The following UEVLD variants were observed in gnomAD, a reference collection of about 807,000 sequenced individuals.
The protein encoded by UEVLD is ubiquitin-conjugating enzyme E2 variant 3.
A neutral mutation model predicts 58.6 loss-of-function variants in UEVLD; 47 were observed. The ratio of observed to expected loss-of-function variants is 0.80; its 90% confidence interval spans 0.63 to 1.02. The LOEUF (loss-of-function observed/expected upper bound fraction) is 1.02. Among genes scored for constraint, UEVLD ranks in the 50% least tolerant of loss-of-function variants. The pLI is 0.00. For synonymous variants in UEVLD, 197 were observed against 195.3 expected, an observed-to-expected ratio of 1.01 and a Z score of -0.07; for missense variants, 510 against 550.6, an observed-to-expected ratio of 0.93 and a Z score of 0.74.
intron 6 of UEVLD, among the ~76,000 whole-genome samples, chr11:18,562,737 G>A (rs188839741): frequency 2.7e-5 from 4 of 150,212 alleles, no homozygotes; most frequent in Admixed American, 6.6e-5. Flanking sequence ...AATAATGACA[G>A]TGAGATTCTT....
At chr11:18,567,982 A>T (rs1043962810) in intron 4 of UEVLD, among the ~76,000 whole-genome samples, 1 of 152,078 alleles carries the variant, frequency 6.6e-6, no homozygotes, top group African/African-American at 2.4e-5. Context: ...CTGTCTGTAC[A>T]AAAAATTTTA....
intron 9 of UEVLD, among the ~76,000 whole-genome samples, chr11:18,539,407 G>C (rs1565108668): frequency 6.6e-6 from 1 of 151,996 alleles, no homozygotes; most frequent in Non-Finnish European, 1.5e-5. Flanking sequence ...ACCATGAACT[G>C]TTATATGAAA....
At chr11:18,575,744 A>G (rs1165538507) in intron 2 of UEVLD, among the ~76,000 whole-genome samples, 1 of 152,246 alleles carries the variant, frequency 6.6e-6, no homozygotes, top group African/African-American at 2.4e-5. Flanking sequence ...TAAAATAAAG[A>G]TAATAAGACT....
At chr11:18,550,667 C>G (rs1851485445) in intron 7 of UEVLD, among the ~76,000 whole-genome samples, 1 of 152,196 alleles carries the variant, frequency 6.6e-6, no homozygotes, top group South Asian at 2.1e-4. Flanking sequence ...CTGGACCACT[C>G]TCTTGGCATT....
intron 9 of UEVLD, among the ~76,000 whole-genome samples, chr11:18,539,804 T>C (rs1850979429): frequency 6.6e-6 from 1 of 152,138 alleles, no homozygotes; most frequent in Non-Finnish European, 1.5e-5. Flanking sequence ...CTGACTAGCA[T>C]AGAATGCCTG....
intron 11 of UEVLD, 100 bp from the exon 12 acceptor site, chr11:18,532,587 T>C (rs1377569908): frequency 7.5e-6 from 8 of 1,065,914 alleles, no homozygotes; most frequent in African/African-American, 3.3e-5. Context: ...GACAAAGTGA[T>C]ACAAGTTGGA....
intron 1 of UEVLD, among the ~76,000 whole-genome samples, chr11:18,579,968 A>T (rs1853143460): frequency 6.6e-6 from 1 of 151,584 alleles, no homozygotes; most frequent in African/African-American, 2.4e-5. Context: ...GGACTTGAAG[A>T]CTGTATTGTT....
rs532620809 is a variant in UEVLD, at chr11:18,578,240, G to A, written c.127+484C>T. On this transcript the variant is annotated intron_variant, in intron 2 of 11. Coordinates refer to ENST00000396197, the MANE Select transcript of UEVLD (RefSeq NM_001040697.4). ...TCTTTCCCAGCTGTGGTCAGAGGGC[G>A]ATTTGACTATAGAAGAATGGTTAGA... Among the ~76,000 whole-genome samples the A allele has an allele frequency of 2.6e-5, 4 of 152,258 alleles. 1 individual carries two copies. Among genetic ancestry groups the A allele is most frequent in the South Asian group, 4.1e-4 (2 of 4,824 alleles).
In UEVLD at chr11:18,530,750, G is replaced by C. The variant is rs1850532391; in HGVS notation, c.*1570C>G. On this transcript the variant is annotated 3_prime_UTR_variant, in exon 12 of 12. Transcript: ENST00000396197. ...ACTTTTTTTTTTTTTTTTTGAGACG[G>C]AGTCTTGCTCTGTCGCCCAGGCTGG... 7.2e-6 allele frequency: 1 copy of C among 139,506 alleles called. No homozygotes were observed. The allele number at this position is 139,506 out of a possible 1,614,324, so 8.6% of individuals were successfully genotyped here.
intron 1 of UEVLD, among the ~76,000 whole-genome samples, chr11:18,582,984 G>A (rs1468628107): frequency 1.1e-4 from 17 of 152,092 alleles, no homozygotes; most frequent in African/African-American, 2.9e-4. Flanking sequence ...GTGCAATGGC[G>A]TGATCTCAGC....
chr11:18,566,200 G>T, intron 5 of UEVLD, 147 bp downstream of exon 5: 1 of 1,176,812 alleles, frequency 8.5e-7, no homozygotes, highest in Non-Finnish European at 1.2e-6. Context: ...CGCCTGGCCT[G>T]AGGCACAGGA....
intron 2 of UEVLD, among the ~76,000 whole-genome samples, chr11:18,577,449 A>G (rs1164043288): frequency 6.6e-6 from 1 of 152,246 alleles, no homozygotes; most frequent in East Asian, 1.9e-4. Context: ...TAACTGGGAC[A>G]CACTGATAGA....
intron 1 of UEVLD, among the ~76,000 whole-genome samples, chr11:18,579,152 C>T (rs1853101441): frequency 1.3e-5 from 2 of 152,168 alleles, no homozygotes; most frequent in Admixed American, 6.6e-5. Flanking sequence ...CAGGCGTGAG[C>T]CACCACGCCC....
intron 1 of UEVLD, among the ~76,000 whole-genome samples, chr11:18,579,809 GACA>G (rs1307792363): frequency 4.6e-5 from 7 of 152,014 alleles, no homozygotes; most frequent in Non-Finnish European, 7.4e-5. Context: ...ATGGATTTGA[GACA>G]ACAATTCCTT....
chr11:18,557,400 C>T (rs184609139), intron 7 of UEVLD, among the ~76,000 whole-genome samples: 71 of 152,152 alleles, frequency 4.7e-4, no homozygotes, highest in African/African-American at 1.4e-3. Flanking sequence ...GATCTGCCTG[C>T]GTCGGCTTCC....
At chr11:18,564,776 A>G (rs1233540022) in intron 6 of UEVLD, 116 bp downstream of exon 6, 1 of 646,042 alleles carries the variant, frequency 1.5e-6, no homozygotes, top group Non-Finnish European at 2.6e-6. Context: ...ATATATTTTA[A>G]GCCAAAATAA....
At chr11:18,538,237 G>A (rs983056874) in intron 9 of UEVLD, among the ~76,000 whole-genome samples, 2 of 151,720 alleles carry the variant, frequency 1.3e-5, no homozygotes, top group Admixed American at 6.6e-5. Flanking sequence ...CTCCCAGAGT[G>A]CAGGGACCAT....
In UEVLD at chr11:18,566,468, A is replaced by C. The variant is rs202218047; in HGVS notation, c.372T>G (p.Ile124Met). 19 of 1,613,958 alleles carry C rather than the reference A, an allele frequency of 1.2e-5. No individual in the cohort carries two copies. In the Admixed American group the frequency reaches 1.8e-4, roughly 16 times the overall value. Residue 124 changes from isoleucine to methionine, a missense_variant, in exon 5 of 12, where the codon ATT becomes ATG. Physicochemically the swap from Ile to Met is conservative, Grantham distance 10 (BLOSUM62 1). Coordinates refer to ENST00000396197, the MANE Select transcript of UEVLD (RefSeq NM_001040697.4). ...LQNWSHPKSV[I>M]VGLIKEMIAK... Reference sequence around the variant, plus strand: ...CAATCATTTCTTTAATTAATCCAACAATGACAGATTTAGGCTGTAGAATAC... The same window carrying C: ...CAATCATTTCTTTAATTAATCCAACCATGACAGATTTAGGCTGTAGAATAC...
At chr11:18,559,761 A>G (rs1793703741) in intron 6 of UEVLD, among the ~76,000 whole-genome samples, 1 of 152,196 alleles carries the variant, frequency 6.6e-6, no homozygotes, top group Admixed American at 6.6e-5. Context: ...TCTCATGGAA[A>G]ATACTCCACA....
Sources: allele counts gnomAD v4.1 joint callset (sites outside exome capture counted in the v4.1 genomes callset), GRCh38; gene constraint gnomAD v4.1.1; transcripts MANE v1.5; gene names NCBI Gene and HGNC (gene_info 2026-07-23, HGNC 2026-07-21).